Variants in CCDC148 observed in about 807,000 individuals in gnomAD.
CCDC148 encodes the protein coiled-coil domain containing 148.
A neutral mutation model predicts 85.7 loss-of-function variants in CCDC148; 89 were observed. The ratio of observed to expected loss-of-function variants is 1.04; its 90% confidence interval spans 0.87 to 1.24. CCDC148 has a LOEUF of 1.24. CCDC148 is among the 50% of genes most tolerant of loss of function. CCDC148 has a pLI of 0.00. For synonymous variants in CCDC148, 230 were observed against 213.9 expected, an observed-to-expected ratio of 1.08 and a Z score of -0.66; for missense variants, 692 against 671.7, an observed-to-expected ratio of 1.03 and a Z score of -0.33.
intron 11 of CCDC148, among the ~76,000 whole-genome samples, chr2:158,192,157 C>T (rs1685451997): frequency 6.6e-6 from 1 of 151,998 alleles, no homozygotes; most frequent in African/African-American, 2.4e-5. Context: ...TTAAAGGAAA[C>T]ATGTATATAT....
intron 1 of CCDC148, among the ~76,000 whole-genome samples, chr2:158,410,781 ATTTATC>A (rs1686224693): frequency 6.6e-6 from 1 of 151,986 alleles, no homozygotes; most frequent in African/African-American, 2.4e-5. Context: ...TTGTCTATAT[ATTTATC>A]TTTATTAGTG....
chr2:158,211,087 C>T lies in CCDC148; in HGVS notation c.1370+9508G>A, dbSNP rs117725524. The stretch of plus-strand genomic sequence containing the variant: ...CATTAGGAGAAATATCTAATGTAGA[C>T]GGTGGGTTGATGGGTGCAGCAAACC... On this transcript the variant is annotated intron_variant, in intron 11 of 13. Coordinates refer to ENST00000283233, the MANE Select transcript of CCDC148 (RefSeq NM_138803.4). 2.5e-3 allele frequency among the ~76,000 whole-genome samples: 375 copies of T among 151,732 alleles called. 11 individuals carry two copies. In the East Asian group the frequency reaches 0.058, roughly 23 times the overall value.
chr2:158,275,403 T>A (rs149661269), intron 9 of CCDC148, among the ~76,000 whole-genome samples: 2 of 152,230 alleles, frequency 1.3e-5, no homozygotes, highest in African/African-American at 2.4e-5. Flanking sequence ...GACAATATAA[T>A]AGGTTTCCAT....
chr2:158,186,808 T>G (rs551404133), intron 11 of CCDC148, among the ~76,000 whole-genome samples: 1 of 152,172 alleles, frequency 6.6e-6, no homozygotes, highest in African/African-American at 2.4e-5. Flanking sequence ...GAAATTTTTT[T>G]TCTAGTTTTG....
rs771413009 is a variant in CCDC148 at position 158,358,556 on chromosome 2, G to T, written c.40C>A (p.His14Asn). 1.9e-6 allele frequency: 3 copies of T among 1,576,586 alleles called. No homozygotes were observed. In the East Asian group the frequency reaches 6.9e-5, roughly 36 times the overall value. ...ASASPDNLVF[H>N]MKNEMRNIKY... ...ATGTTTCTCATCTCATTTTTCATATGGAATACCAGATTATCTATTAGTCAT... is the reference window on the plus strand; with the variant it reads ...ATGTTTCTCATCTCATTTTTCATATTGAATACCAGATTATCTATTAGTCAT... Residue 14 changes from histidine (H) to asparagine (N), a missense_variant, in exon 2 of 14, where the codon CAT (histidine) becomes AAT (asparagine). Coordinates refer to ENST00000283233, the MANE Select transcript of CCDC148 (RefSeq NM_138803.4).
chr2:158,440,127 C>T (rs145445644), intron 1 of CCDC148, among the ~76,000 whole-genome samples: 50 of 152,086 alleles, frequency 3.3e-4, no homozygotes, highest in Admixed American at 6.5e-4. Flanking sequence ...CCTCAGCCTC[C>T]AAAGGTGCTG....
At chr2:158,332,660 T>C (rs1036042021) in intron 7 of CCDC148, among the ~76,000 whole-genome samples, 1 of 151,836 alleles carries the variant, frequency 6.6e-6, no homozygotes, top group East Asian at 1.9e-4. Flanking sequence ...ATCCATCTGG[T>C]CCTGGACTCT....
chr2:158,444,785 G>GAAAAAA (rs11433320), intron 1 of CCDC148, among the ~76,000 whole-genome samples: 1 of 66,662 alleles, frequency 1.5e-5, no homozygotes, highest in Non-Finnish European at 2.5e-5. Flanking sequence ...ACCCTGTCTT[G>GAAAAAA]AAAAAAAAAA....
At chr2:158,427,632 G>A (rs1238538258) in intron 1 of CCDC148, among the ~76,000 whole-genome samples, 1 of 152,064 alleles carries the variant, frequency 6.6e-6, no homozygotes, top group South Asian at 2.1e-4. Flanking sequence ...CACTTTAGGG[G>A]GCTGAGGCAG....
intron 11 of CCDC148, among the ~76,000 whole-genome samples, chr2:158,179,351 G>T (rs1684767890): frequency 6.6e-6 from 1 of 151,724 alleles, no homozygotes; most frequent in South Asian, 2.1e-4. Flanking sequence ...TAGAGACGGA[G>T]TTTCACCATG....
At chr2:158,329,168 A>C (rs1396554296) in intron 7 of CCDC148, among the ~76,000 whole-genome samples, 1 of 152,200 alleles carries the variant, frequency 6.6e-6, no homozygotes, top group Admixed American at 6.5e-5. Flanking sequence ...TAAGTCTTTA[A>C]GCCATCTTGA....
intron 8 of CCDC148, 45 bp from the exon 9 acceptor site, chr2:158,309,684 G>A (rs747438014): frequency 7.6e-7 from 1 of 1,316,660 alleles, no homozygotes; most frequent in Non-Finnish European, 1.1e-6. Context: ...ATGAAAATGA[G>A]CTTACATTTT....
At chr2:158,290,460 G>C (rs993251443) in intron 9 of CCDC148, among the ~76,000 whole-genome samples, 2 of 152,102 alleles carry the variant, frequency 1.3e-5, no homozygotes, top group Non-Finnish European at 2.9e-5. Context: ...TCTAATTGCT[G>C]TTCCTTGAAT....
chr2:158,429,022 A>T (rs1687204825), intron 1 of CCDC148, among the ~76,000 whole-genome samples: 1 of 152,096 alleles, frequency 6.6e-6, no homozygotes, highest in South Asian at 2.1e-4. Context: ...CATTCTCAGC[A>T]AACTATCACA....
chr2:158,370,953 C>CTGGCAA (rs1198504851), intron 1 of CCDC148, among the ~76,000 whole-genome samples: 2 of 151,188 alleles, frequency 1.3e-5, no homozygotes, highest in Non-Finnish European at 2.9e-5. Flanking sequence ...ATATTTAACA[C>CTGGCAA]TGGCAATTTC....
chr2:158,448,345 A>T (rs1016372908), intron 1 of CCDC148, among the ~76,000 whole-genome samples: 3 of 147,746 alleles, frequency 2.0e-5, no homozygotes, highest in Non-Finnish European at 3.0e-5. Context: ...TTTCCATTTT[A>T]TTTTTTTTTT....
chr2:158,354,255 C>A (rs1475058718), intron 2 of CCDC148, among the ~76,000 whole-genome samples: 1 of 151,830 alleles, frequency 6.6e-6, no homozygotes, highest in Non-Finnish European at 1.5e-5. Context: ...AATAGAGACA[C>A]AAAAAACCCT....
At chr2:158,327,521 G>A (rs1346481169) in intron 7 of CCDC148, among the ~76,000 whole-genome samples, 1 of 152,048 alleles carries the variant, frequency 6.6e-6, no homozygotes, top group Non-Finnish European at 1.5e-5. Flanking sequence ...ACTCAATTCT[G>A]AACCCAAATT....
intron 9 of CCDC148, among the ~76,000 whole-genome samples, chr2:158,280,734 C>A (rs1455585497): frequency 6.6e-6 from 1 of 152,148 alleles, no homozygotes; most frequent in Non-Finnish European, 1.5e-5. Context: ...AGAAAGTCAA[C>A]AAGGATACCC....
Sources: gnomAD v4.1 joint callset for allele counts (sites outside exome capture counted in the v4.1 genomes callset) on GRCh38, gnomAD v4.1.1 for gene constraint, MANE v1.5 for transcripts, NCBI Gene and HGNC (gene_info 2026-07-23, HGNC 2026-07-21) for gene names.